The following PPFIA2 variants were observed in gnomAD, a reference collection of about 807,000 sequenced individuals.
The protein encoded by PPFIA2 is liprin-alpha-2.
A neutral mutation model predicts 175.5 loss-of-function variants in PPFIA2; 46 were observed. The observed-to-expected ratio is 0.26, with a 90% confidence interval of 0.21 to 0.34. The LOEUF is 0.34. Among genes scored for constraint, PPFIA2 ranks in the 10% least tolerant of loss-of-function variants. PPFIA2 has a pLI of 1.00. For missense variants in PPFIA2, 1,179 were observed against 1,506.1 expected (o/e 0.78, Z 3.60); for synonymous variants, 568 against 511.4 (o/e 1.11, Z -1.49).
intron 3 of PPFIA2, among the ~76,000 whole-genome samples, chr12:81,693,985 G>A (rs539832573): frequency 9.0e-4 from 137 of 152,048 alleles, no homozygotes; most frequent in African/African-American, 3.2e-3. Context: ...TTAACAAAGT[G>A]TTCAAGATGT....
chr12:81,655,586 A>T (rs2153538424), intron 4 of PPFIA2, among the ~76,000 whole-genome samples: 1 of 152,038 alleles, frequency 6.6e-6, no homozygotes. Context: ...TTTTCCAAAA[A>T]TTTTAGCACT....
Position 81,266,988 on chromosome 12 carries a change from G to A in PPFIA2, c.3519C>T (p.Asn1173=). The A allele has an allele frequency of 6.2e-7, 1 of 1,612,936 alleles. No homozygotes were observed. The highest frequency in any genetic ancestry group is 8.5e-7 in the Non-Finnish European group (1 of 1,179,340). ...ARQILEREYN[N]LLALGTERRL... ...GCCTTTCAGTTCCCAGGGCCAAGAG[G>A]TTATTGTATTCTCTTTCAAGAATCT... Residue 1173 remains asparagine, a synonymous_variant, in exon 30 of 33, where the codon AAC becomes AAT. Coordinates refer to ENST00000549396, the MANE Select transcript of PPFIA2 (RefSeq NM_003625.5).
chr12:81,418,993 C>T lies in PPFIA2; in HGVS notation c.646-13090G>A, dbSNP rs559699907. On this transcript the variant is annotated intron_variant, in intron 7 of 32. Coordinates refer to ENST00000549396, the MANE Select transcript of PPFIA2 (RefSeq NM_003625.5). ...ACAGTTTAAAATTGAATGTCAATTG[C>T]ATTTTCAATATTCTCCTTCTATAGA... 1.9e-3 allele frequency among the ~76,000 whole-genome samples: 287 copies of T among 151,996 alleles called. 1 individual carries two copies. Among genetic ancestry groups the T allele is most frequent in the African/African-American group, 6.5e-3 (272 of 41,542 alleles).
At chr12:81,287,766 A>G (rs1170739152) in intron 24 of PPFIA2, among the ~76,000 whole-genome samples, 1 of 151,908 alleles carries the variant, frequency 6.6e-6, no homozygotes, top group Non-Finnish European at 1.5e-5. Flanking sequence ...AGAGTTTCAG[A>G]GCAAAGCATC....
chr12:81,743,619 G>A (rs1052061771), intron 3 of PPFIA2, among the ~76,000 whole-genome samples: 4 of 151,696 alleles, frequency 2.6e-5, no homozygotes, highest in African/African-American at 7.3e-5. Context: ...TAATGCAAAC[G>A]TTTTGTCCAG....
intron 4 of PPFIA2, among the ~76,000 whole-genome samples, chr12:81,464,092 C>A (rs2055145822): frequency 6.6e-6 from 1 of 152,058 alleles, no homozygotes; most frequent in South Asian, 2.1e-4. Context: ...TCTCACCTGT[C>A]TTTAAAAAAG....
intron 4 of PPFIA2, among the ~76,000 whole-genome samples, chr12:81,483,206 A>G (rs1236011128): frequency 6.6e-6 from 1 of 152,166 alleles, no homozygotes; most frequent in Non-Finnish European, 1.5e-5. Context: ...ACTTCTAGTT[A>G]TACATACAAG....
At chr12:81,473,117 T>C (rs567727284) in intron 4 of PPFIA2, among the ~76,000 whole-genome samples, 121 of 152,174 alleles carry the variant, frequency 8.0e-4, no homozygotes, top group Non-Finnish European at 1.5e-3. Flanking sequence ...TACATAAAAC[T>C]GCATGTAGGG....
chr12:81,293,739 T>A (rs1773924715), intron 24 of PPFIA2, among the ~76,000 whole-genome samples: 1 of 152,110 alleles, frequency 6.6e-6, no homozygotes, highest in African/African-American at 2.4e-5. Context: ...TGGAGATTTC[T>A]CAAAGAACTA....
chr12:81,613,226 C>T (rs1043667637), intron 4 of PPFIA2, among the ~76,000 whole-genome samples: 2 of 152,084 alleles, frequency 1.3e-5, no homozygotes, highest in African/African-American at 4.8e-5. Flanking sequence ...CTCTGGATAC[C>T]AGATGCCTAC....
At chr12:81,565,382 A>G (rs1031318578) in intron 4 of PPFIA2, among the ~76,000 whole-genome samples, 3 of 152,104 alleles carry the variant, frequency 2.0e-5, no homozygotes, top group Non-Finnish European at 2.9e-5. Flanking sequence ...TCAGACTCCA[A>G]GTTCTTCAGT....
intron 6 of PPFIA2, among the ~76,000 whole-genome samples, 183 bp from the exon 7 acceptor site, chr12:81,440,229 T>C (rs1234633223): frequency 6.6e-6 from 1 of 152,180 alleles, no homozygotes; most frequent in Non-Finnish European, 1.5e-5. Flanking sequence ...CCTCGTATTG[T>C]CACTGTATCA....
At chr12:81,377,042 C>A (rs1192460276) in intron 9 of PPFIA2, among the ~76,000 whole-genome samples, 1 of 151,430 alleles carries the variant, frequency 6.6e-6, no homozygotes, top group Non-Finnish European at 1.5e-5. Context: ...ATGTCCTAAT[C>A]TAATATAATA....
chr12:81,267,837 C>T (rs2037775834), intron 29 of PPFIA2, 75 bp downstream of exon 29: 3 of 1,382,078 alleles, frequency 2.2e-6, no homozygotes, highest in Non-Finnish European at 2.9e-6. Context: ...AATACACAGC[C>T]AATTTTTTTC....
chr12:81,405,250 T>C (rs1206123396), intron 8 of PPFIA2, among the ~76,000 whole-genome samples: 1 of 152,122 alleles, frequency 6.6e-6, no homozygotes, highest in African/African-American at 2.4e-5. Flanking sequence ...ATGTTATCTC[T>C]CATTAACAAG....
At chr12:81,675,371 C>T (rs867433095) in intron 4 of PPFIA2, 37 of 151,900 alleles carry the variant, frequency 2.4e-4, no homozygotes, top group African/African-American at 8.0e-4. Context: ...ATTTTTTCAA[C>T]AACTAGGCCA....
At chr12:81,721,235 G>T (rs958678785) in intron 3 of PPFIA2, among the ~76,000 whole-genome samples, 7 of 151,132 alleles carry the variant, frequency 4.6e-5, no homozygotes, top group African/African-American at 1.5e-4. Context: ...GACCCCAGAG[G>T]TTTTCCTAGA....
At chr12:81,428,839 T>A (rs192922742) in intron 7 of PPFIA2, among the ~76,000 whole-genome samples, 1 of 152,148 alleles carries the variant, frequency 6.6e-6, no homozygotes, top group East Asian at 1.9e-4. Flanking sequence ...TCACAACTGT[T>A]GGCAGGCAAG....
intron 8 of PPFIA2, among the ~76,000 whole-genome samples, chr12:81,385,448 A>G (rs556610506): frequency 2.6e-4 from 39 of 152,288 alleles, no homozygotes; most frequent in African/African-American, 9.1e-4. Context: ...AACGGAATCA[A>G]CCTAACTAAG....
Sources: allele counts gnomAD v4.1 joint callset (sites outside exome capture counted in the v4.1 genomes callset), GRCh38; gene constraint gnomAD v4.1.1; transcripts MANE v1.5; gene names NCBI Gene and HGNC (gene_info 2026-07-23, HGNC 2026-07-21).